Variants in LARGE1 observed in about 807,000 individuals in gnomAD.
The protein encoded by LARGE1 is xylosyl- and glucuronyltransferase LARGE1.
Under a neutral mutation model 87.6 loss-of-function variants are expected in LARGE1, and 43 were observed. The observed-to-expected ratio is 0.49, with a 90% CI of 0.38 to 0.63. LARGE1 has a LOEUF of 0.63. Ranked by LOEUF, LARGE1 falls within the 30% of genes least tolerant of loss-of-function variation. The probability of loss-of-function intolerance (pLI) is 0.00; values close to 1 mark genes in which losing one functional copy is unlikely to be tolerated. For missense variants in LARGE1, 802 were observed against 1,000.2 expected (o/e 0.80, Z 2.67); for synonymous variants, 434 against 394.6 (o/e 1.10, Z -1.18).
chr22:33,747,944 G>C (rs550804424), intron 2 of LARGE1: 7 of 146,274 alleles, frequency 4.8e-5, no homozygotes, highest in African/African-American at 1.8e-4. Flanking sequence ...AATGGAGAGG[G>C]TTCCCAGCTG....
rs536753586 is a variant in LARGE1 at position 33,286,029 on chromosome 22, C to T, written c.1731-2681G>A. Among the ~76,000 whole-genome samples the T allele has an allele frequency of 2.0e-5, 3 of 152,188 alleles. No individual in the cohort carries two copies. In the South Asian group the frequency reaches 6.2e-4, roughly 31 times the overall value. On this transcript the variant is annotated intron_variant, in intron 12 of 14. Coordinates refer to ENST00000397394, the MANE Select transcript of LARGE1 (RefSeq NM_133642.5). ...CTCTTTACCATAGTGCTCATGTTAACTATATACCAAATAATATATAGCTCT... is the reference window on the plus strand; with the variant it reads ...CTCTTTACCATAGTGCTCATGTTAATTATATACCAAATAATATATAGCTCT...
At chr22:33,333,872 A>C (rs1194519412) in intron 10 of LARGE1, among the ~76,000 whole-genome samples, 1 of 152,186 alleles carries the variant, frequency 6.6e-6, no homozygotes, top group Non-Finnish European at 1.5e-5. Context: ...TAATCCCAGC[A>C]CTTTGGGAGG....
At chr22:33,718,060 G>C (rs567631316) in intron 2 of LARGE1, among the ~76,000 whole-genome samples, 1 of 152,344 alleles carries the variant, frequency 6.6e-6, no homozygotes, top group South Asian at 2.1e-4. Flanking sequence ...CAATATTGCA[G>C]TAGAGACAAC....
the LARGE1 span, among the ~76,000 whole-genome samples, chr22:33,140,316 ACAGTGGGTG>A: frequency 6.7e-6 from 1 of 149,380 alleles, no homozygotes; most frequent in Non-Finnish European, 1.5e-5. Flanking sequence ...ATCATACAGA[ACAGTGGGTG>A]CAGTGGGGAG....
intron 6 of LARGE1, among the ~76,000 whole-genome samples, chr22:33,511,183 G>A (rs940340062): frequency 5.9e-5 from 9 of 152,130 alleles, no homozygotes; most frequent in Admixed American, 3.9e-4. Context: ...ATCTTCACAC[G>A]CAGCTTTTAC....
chr22:33,342,219 T>G (rs1271928430), intron 9 of LARGE1, among the ~76,000 whole-genome samples: 1 of 152,178 alleles, frequency 6.6e-6, no homozygotes, highest in Non-Finnish European at 1.5e-5. Flanking sequence ...TTCCGGTGCT[T>G]GCCAAGTGCT....
intron 7 of LARGE1, among the ~76,000 whole-genome samples, chr22:33,388,028 C>A (rs1413142065): frequency 1.3e-5 from 2 of 152,216 alleles, no homozygotes; most frequent in Admixed American, 1.3e-4. Context: ...ATCCTCTATG[C>A]ACATAATAAC....
chr22:33,243,952 G>A (rs1926636328), intron 11 of LARGE1, among the ~76,000 whole-genome samples: 1 of 152,050 alleles, frequency 6.6e-6, no homozygotes, highest in African/African-American at 2.4e-5. Context: ...AAATAATGTG[G>A]TCATTTCACT....
rs185761396 is a variant in LARGE1, at chr22:33,475,967, A to C, written c.788-43702T>G. 2.0e-5 allele frequency among the ~76,000 whole-genome samples: 3 copies of C among 152,336 alleles called. No homozygotes were observed. In the East Asian group the frequency reaches 5.8e-4, roughly 29 times the overall value. On this transcript the variant is annotated intron_variant, in intron 6 of 14. Coordinates refer to ENST00000397394, the MANE Select transcript of LARGE1 (RefSeq NM_133642.5). The stretch of plus-strand genomic sequence containing the variant: ...GCCAAAGATAAAAGTCAAGCTGGGA[A>C]CTGCTGGCAACTGCCTCAGGCAAAC...
At chr22:33,483,474 G>T (rs539805716) in intron 6 of LARGE1, among the ~76,000 whole-genome samples, 1 of 152,298 alleles carries the variant, frequency 6.6e-6, no homozygotes, top group East Asian at 1.9e-4. Flanking sequence ...CTGAGAGGGT[G>T]ATGGTGAACA....
At chr22:33,351,242 A>G (rs1047924101) in intron 9 of LARGE1, among the ~76,000 whole-genome samples, 1 of 152,246 alleles carries the variant, frequency 6.6e-6, no homozygotes, top group Non-Finnish European at 1.5e-5. Flanking sequence ...CCACCCTGCC[A>G]TAACAGAGAA....
At chr22:33,154,066 T>C in the LARGE1 span, among the ~76,000 whole-genome samples, 64,083 of 151,874 alleles carry the variant, frequency 0.42, 13,947 homozygotes, top group South Asian at 0.68. Flanking sequence ...TACAAAATGT[T>C]GCTTAATGTA....
chr22:33,274,440 T>C lies in LARGE1; in HGVS notation c.2258A>G (p.Glu753Gly). 2 of 1,614,224 alleles carry C rather than the reference T, an allele frequency of 1.2e-6. No individual in the cohort carries two copies. Among genetic ancestry groups the C allele is most frequent in the Non-Finnish European group, 1.7e-6 (2 of 1,180,036 alleles). Residue 753 changes from glutamate (E) to glycine (G), a missense_variant, in exon 15 of 15, where the codon GAG (glutamate) becomes GGG (glycine). By Grantham distance (98) the Glu-to-Gly change is moderately conservative (BLOSUM62 -2). Coordinates refer to ENST00000397394, the MANE Select transcript of LARGE1 (RefSeq NM_133642.5). ...GFAALKYLTA[E>G]NNS The stretch of plus-strand genomic sequence containing the variant: ...GGCTTCTTGGTGCTAGCTGTTGTTC[T>C]CGGCTGTGAGATATTTCAGGGCAGC...
chr22:33,890,753 C>A (rs1328444204), intron 1 of LARGE1, among the ~76,000 whole-genome samples: 1 of 148,344 alleles, frequency 6.7e-6, no homozygotes, highest in Admixed American at 6.9e-5. Context: ...GGCAACAATT[C>A]CTCAGGTTGT....
chr22:33,565,309 T>C (rs1334810635), intron 5 of LARGE1, among the ~76,000 whole-genome samples: 3 of 152,178 alleles, frequency 2.0e-5, no homozygotes, highest in Non-Finnish European at 2.9e-5. Context: ...TTTGTTATTA[T>C]AGAAATTAAA....
At chr22:33,423,045 C>T (rs2147603166) in intron 7 of LARGE1, among the ~76,000 whole-genome samples, 1 of 149,294 alleles carries the variant, frequency 6.7e-6, no homozygotes, top group Middle Eastern at 3.5e-3. Flanking sequence ...AGTCACTGAA[C>T]TTGGAGAACA....
intron 7 of LARGE1, among the ~76,000 whole-genome samples, chr22:33,406,102 C>A (rs1319922808): frequency 6.6e-6 from 1 of 152,162 alleles, no homozygotes; most frequent in Non-Finnish European, 1.5e-5. Context: ...TTGGTAGAAA[C>A]AGGTATGGGA....
At chr22:33,136,739 T>G in the LARGE1 span, among the ~76,000 whole-genome samples, 1 of 152,102 alleles carries the variant, frequency 6.6e-6, no homozygotes. Flanking sequence ...CATGACCATT[T>G]AGGTCCAGAA....
chr22:33,809,254 G>A (rs1301132853), intron 1 of LARGE1, among the ~76,000 whole-genome samples: 1 of 135,416 alleles, frequency 7.4e-6, no homozygotes, highest in East Asian at 2.3e-4. Flanking sequence ...CCTGGTGACA[G>A]AGTGAGACTC....
Sources: gnomAD v4.1 joint callset for allele counts (sites outside exome capture counted in the v4.1 genomes callset) on GRCh38, gnomAD v4.1.1 for gene constraint, MANE v1.5 for transcripts, NCBI Gene and HGNC (gene_info 2026-07-23, HGNC 2026-07-21) for gene names.